RAB7A: variants seen among roughly 807,000 people sequenced by gnomAD.
The protein encoded by RAB7A is RAB7A, member RAS oncogene family.
Under a neutral mutation model 24.5 loss-of-function variants are expected in RAB7A, and 2 were observed. The observed-to-expected ratio is 0.08, with a 90% CI of 0.03 to 0.26. The LOEUF (loss-of-function observed/expected upper bound fraction) is 0.26, where lower values mean the gene tolerates loss of function less well. Ranked by LOEUF, RAB7A falls within the 10% of genes least tolerant of loss-of-function variation. The pLI is 1.00. For synonymous variants in RAB7A, 100 were observed against 95.9 expected (o/e 1.04, Z -0.25); for missense variants, 118 against 255.7 (o/e 0.46, Z 3.67).
chr3:128,804,075 T>C (rs1046507967), intron 3 of RAB7A, among the ~76,000 whole-genome samples: 4 of 151,694 alleles, frequency 2.6e-5, no homozygotes, highest in Admixed American at 6.6e-5. Context: ...GAAACTGTTA[T>C]CACAAGTTCC....
At chr3:128,809,733 C>G (rs1186834544) in intron 5 of RAB7A, among the ~76,000 whole-genome samples, 1 of 152,044 alleles carries the variant, frequency 6.6e-6, no homozygotes, top group African/African-American at 2.4e-5. Context: ...CAAGAGAGCT[C>G]AGCCAGTTGT....
intron 1 of RAB7A, among the ~76,000 whole-genome samples, chr3:128,769,637 C>T (rs1417447606): frequency 2.0e-5 from 3 of 152,176 alleles, no homozygotes; most frequent in South Asian, 4.1e-4. Flanking sequence ...TTGATGAAGT[C>T]CAATTTGTCA....
intron 1 of RAB7A, among the ~76,000 whole-genome samples, chr3:128,729,134 A>T (rs569301567): frequency 1.3e-5 from 2 of 151,500 alleles, no homozygotes; most frequent in Non-Finnish European, 2.9e-5. Context: ...TTTTTTTAAA[A>T]TTTTTTTTTA....
intron 3 of RAB7A, among the ~76,000 whole-genome samples, chr3:128,802,038 GA>G (rs1198174063): frequency 6.6e-6 from 1 of 152,182 alleles, no homozygotes; most frequent in Non-Finnish European, 1.5e-5. Flanking sequence ...CCTCCTGAAT[GA>G]AAGAGTACAT....
At chr3:128,748,634 A>G (rs1382869223) in intron 1 of RAB7A, 1 of 152,266 alleles carries the variant, frequency 6.6e-6, no homozygotes, top group East Asian at 1.9e-4. Context: ...CATGGACACC[A>G]TGAGCTGTGT....
intron 1 of RAB7A, among the ~76,000 whole-genome samples, chr3:128,746,793 T>C (rs1176731371): frequency 6.6e-6 from 1 of 151,292 alleles, no homozygotes; most frequent in African/African-American, 2.5e-5. Flanking sequence ...CCTCCCGAAG[T>C]GCTGGGATTA....
At chr3:128,789,867 T>G (rs1326760806) in intron 1 of RAB7A, among the ~76,000 whole-genome samples, 15 of 149,806 alleles carry the variant, frequency 1.0e-4, no homozygotes, top group Non-Finnish European at 1.9e-4. Flanking sequence ...CTCGGCTCAC[T>G]GCAGCCTCCA....
At chr3:128,739,796 G>A (rs889443793) in intron 1 of RAB7A, among the ~76,000 whole-genome samples, 6 of 152,154 alleles carry the variant, frequency 3.9e-5, no homozygotes, top group South Asian at 2.1e-4. Context: ...AGGGCCGGGC[G>A]CAGTGGTTCA....
Position 128,807,667 on chromosome 3 carries a change from A to C in RAB7A, c.524A>C (p.Lys175Thr). 1 of 1,614,142 alleles carries C rather than the reference A, an allele frequency of 6.2e-7. No individual in the cohort carries two copies. Among genetic ancestry groups the C allele is most frequent in the East Asian group, 2.2e-5 (1 of 44,886 alleles). The change falls in exon 5 of 6, where the codon AAG becomes ACG. Residue 175 changes from lysine (K) to threonine (T), a missense_variant. Around this residue, in one of 2 missense-constraint regions of RAB7A, gnomAD observed 66 missense variants for 82.2 expected, o/e 0.80. Transcript: ENST00000265062. ...AFQTIARNAL[K>T]QETEVELYNE... is the part of the protein sequence containing the mutation. ...CAGACGATTGCACGGAATGCACTTA[A>C]GCAGGTGGGTCTCCCACAGCTGACC...
At chr3:128,742,464 C>T (rs2070564286) in intron 1 of RAB7A, among the ~76,000 whole-genome samples, 1 of 152,162 alleles carries the variant, frequency 6.6e-6, no homozygotes, top group African/African-American at 2.4e-5. Context: ...CTGATTGGCC[C>T]ATTTTACAGA....
chr3:128,798,283 C>T, intron 3 of RAB7A: 2 of 498,336 alleles, frequency 4.0e-6, no homozygotes, highest in South Asian at 4.5e-5. Context: ...CTTGCTAAGA[C>T]ACACTAAAAA....
intron 1 of RAB7A, among the ~76,000 whole-genome samples, chr3:128,770,865 T>C (rs1187871285): frequency 6.6e-6 from 1 of 152,208 alleles, no homozygotes; most frequent in African/African-American, 2.4e-5. Flanking sequence ...CAAATCGTTA[T>C]ACTACTCTTT....
chr3:128,787,861 A>G (rs766418311), intron 1 of RAB7A, among the ~76,000 whole-genome samples: 2 of 152,186 alleles, frequency 1.3e-5, no homozygotes, highest in East Asian at 3.9e-4. Context: ...ACAGGAGTGT[A>G]CCACCATGCC....
At chr3:128,758,421 C>T (rs1432460076) in intron 1 of RAB7A, among the ~76,000 whole-genome samples, 6 of 151,482 alleles carry the variant, frequency 4.0e-5, no homozygotes, top group South Asian at 2.1e-4. Flanking sequence ...TACAGGCGCC[C>T]GCCACTACGC....
At chr3:128,754,659 G>C (rs2070714312) in intron 1 of RAB7A, among the ~76,000 whole-genome samples, 1 of 152,092 alleles carries the variant, frequency 6.6e-6, no homozygotes, top group African/African-American at 2.4e-5. Flanking sequence ...AGCCATAAGA[G>C]ACCCACTTTA....
intron 1 of RAB7A, among the ~76,000 whole-genome samples, chr3:128,794,663 G>A (rs558546526): frequency 6.6e-6 from 1 of 152,296 alleles, no homozygotes; most frequent in East Asian, 1.9e-4. Context: ...GCAAGTCCTG[G>A]AAGACAGTTG....
intron 1 of RAB7A, among the ~76,000 whole-genome samples, chr3:128,792,815 ATTTT>A (rs869135092): frequency 6.0e-5 from 8 of 133,310 alleles, no homozygotes; most frequent in South Asian, 2.5e-4. Context: ...CACCGAGCTA[ATTTT>A]TATTTATTTA....
chr3:128,744,968 G>A (rs553469604), intron 1 of RAB7A, among the ~76,000 whole-genome samples: 30 of 151,128 alleles, frequency 2.0e-4, no homozygotes, highest in Non-Finnish European at 4.0e-4. Flanking sequence ...CTGCCTCCTG[G>A]GTTCACACCA....
intron 2 of RAB7A, among the ~76,000 whole-genome samples, chr3:128,795,900 C>T (rs866955364): frequency 1.8e-4 from 27 of 151,482 alleles, no homozygotes; most frequent in Non-Finnish European, 2.7e-4. Flanking sequence ...TACAGGCGCC[C>T]GCCACCACGC....
Sources: gnomAD v4.1 joint callset for allele counts (sites outside exome capture counted in the v4.1 genomes callset) on GRCh38, gnomAD v4.1.1 for gene constraint, gnomAD v4.1.1 regional missense constraint, MANE v1.5 for transcripts, NCBI Gene and HGNC (gene_info 2026-07-23, HGNC 2026-07-21) for gene names.